Variants in ROBO2 observed in about 807,000 individuals in gnomAD.
ROBO2 encodes roundabout guidance receptor 2.
ROBO2 carries 53 observed loss-of-function variants against 160.8 expected under a neutral mutation model. The observed-to-expected ratio is 0.33, with a 90% CI of 0.26 to 0.41. The LOEUF (loss-of-function observed/expected upper bound fraction) is 0.41. ROBO2 is among the 10% of genes least tolerant of loss of function. ROBO2 has a pLI of 1.00. For synonymous variants in ROBO2, 664 were observed against 611.7 expected (o/e 1.09, Z -1.26); for missense variants, 1,577 against 1,722.4 (o/e 0.92, Z 1.49).
intron 2 of ROBO2, among the ~76,000 whole-genome samples, chr3:76,356,584 A>G (rs2108338916): frequency 6.6e-6 from 1 of 151,812 alleles, no homozygotes; most frequent in East Asian, 1.9e-4. Flanking sequence ...CAGGTTACCA[A>G]AAAAATATAA....
intron 2 of ROBO2, among the ~76,000 whole-genome samples, chr3:76,171,641 A>G (rs1489782851): frequency 6.6e-6 from 1 of 152,022 alleles, no homozygotes; most frequent in Admixed American, 6.6e-5. Flanking sequence ...ATGTAGCTAC[A>G]TTATCCCAGT....
chr3:77,549,915 T>C (rs1559593144), intron 7 of ROBO2, among the ~76,000 whole-genome samples: 1 of 151,966 alleles, frequency 6.6e-6, no homozygotes, highest in Non-Finnish European at 1.5e-5. Context: ...TTTTTGTAAG[T>C]AAATACAACA....
chr3:76,982,561 T>C (rs1427941622), intron 2 of ROBO2, among the ~76,000 whole-genome samples: 2 of 152,218 alleles, frequency 1.3e-5, no homozygotes, highest in Non-Finnish European at 2.9e-5. Context: ...TCTGGATCTC[T>C]TGAATTTTCA....
At chr3:76,716,341 A>G (rs1243104016) in intron 2 of ROBO2, among the ~76,000 whole-genome samples, 1 of 152,104 alleles carries the variant, frequency 6.6e-6, no homozygotes, top group Non-Finnish European at 1.5e-5. Context: ...TTAACCCCCC[A>G]AAAGAAGAAA....
rs934543122 is a variant in ROBO2, at chr3:76,276,348, T to G, written c.109+338746T>G. On this transcript the variant is annotated intron_variant, in intron 2 of 26. Coordinates refer to the ROBO2 transcript ENST00000487694. ...ATATGGCTATTTAAATTTAAACTAA[T>G]GAAAATTGAGAATTCATTGTATCAA... 2.0e-5 allele frequency among the ~76,000 whole-genome samples: 3 copies of G among 152,048 alleles called. No individual in the cohort carries two copies. The East Asian group carries it at 5.8e-4, about 29-fold the overall frequency.
chr3:77,483,485 AT>A (rs1313549363), intron 4 of ROBO2, among the ~76,000 whole-genome samples: 1 of 151,828 alleles, frequency 6.6e-6, no homozygotes, highest in Non-Finnish European at 1.5e-5. Context: ...ACATATTATC[AT>A]TTTTGACCAA....
At chr3:76,400,280 T>C (rs536332121) in intron 2 of ROBO2, among the ~76,000 whole-genome samples, 1 of 151,776 alleles carries the variant, frequency 6.6e-6, no homozygotes, top group East Asian at 1.9e-4. Context: ...TTTTCATTTC[T>C]GCCAGTGAGA....
At chr3:77,634,873 A>T (rs769735699) in exon 24 of ROBO2, 6 of 1,613,870 alleles carry the variant, frequency 3.7e-6, no homozygotes, top group Non-Finnish European at 4.2e-6. Flanking sequence ...ATTTTAGGAA[A>T]AGCCTTTACC....
At position 76,952,695 on chromosome 3, in the gene ROBO2, A is replaced by G. The variant is rs554000944; in HGVS notation, c.110-145319A>G. Among the ~76,000 whole-genome samples the G allele has an allele frequency of 2.0e-5, 3 of 152,068 alleles. No individual in the cohort carries two copies. In the East Asian group the frequency reaches 5.8e-4, roughly 29 times the overall value. ...TTAGTATATCTGTGTGTGTATATAT[A>G]TATATATTTATGTATAAAATATTCA... On this transcript the variant is annotated intron_variant, in intron 2 of 26. Transcript: ENST00000487694.
At chr3:76,521,854 T>G (rs939698829) in intron 2 of ROBO2, among the ~76,000 whole-genome samples, 2 of 152,186 alleles carry the variant, frequency 1.3e-5, no homozygotes, top group African/African-American at 4.8e-5. Context: ...ATAACTCAAT[T>G]TCAAGTTTTT....
chr3:76,660,531 A>G (rs963066327), intron 2 of ROBO2, among the ~76,000 whole-genome samples: 6 of 152,140 alleles, frequency 3.9e-5, no homozygotes, highest in African/African-American at 1.4e-4. Context: ...GTGGTTTTCA[A>G]GGGCATGATT....
At position 76,433,878 on chromosome 3, in the gene ROBO2, C is replaced by T. The variant is rs1267562582; in HGVS notation, c.109+496276C>T. The T allele has an allele frequency of 6.9e-6, 4 of 576,674 alleles. No homozygotes were observed. In the Admixed American group the frequency reaches 1.2e-4, roughly 18 times the overall value. The allele number at this position is 576,674 out of a possible 1,614,324, so 35.7% of individuals were successfully genotyped here. ...TAGAATTCACATCTCTATCTATTTT[C>T]TTTGAAGTTTGCAAGCTGTTTTTCT... On this transcript the variant is annotated intron_variant, in intron 2 of 26. Coordinates refer to the ROBO2 transcript ENST00000487694.
chr3:77,636,236 T>TG (rs2153717849), intron 24 of ROBO2, among the ~76,000 whole-genome samples: 1 of 152,264 alleles, frequency 6.6e-6, no homozygotes, highest in Non-Finnish European at 1.5e-5. Context: ...CTTTGGCTTT[T>TG]GGGACATAGG....
chr3:76,836,746 A>C (rs1275460456), intron 2 of ROBO2, among the ~76,000 whole-genome samples: 1 of 151,738 alleles, frequency 6.6e-6, no homozygotes, highest in Non-Finnish European at 1.5e-5. Flanking sequence ...TAGTCAGAAA[A>C]AATATTTTGT....
intron 2 of ROBO2, among the ~76,000 whole-genome samples, chr3:76,130,648 AG>A (rs1432747627): frequency 6.6e-6 from 1 of 152,132 alleles, no homozygotes; most frequent in East Asian, 1.9e-4. Flanking sequence ...ATTAACCATA[AG>A]CAGGCCACAT....
chr3:76,398,061 A>T (rs1435148917), intron 2 of ROBO2, among the ~76,000 whole-genome samples: 1 of 152,246 alleles, frequency 6.6e-6, no homozygotes. Flanking sequence ...AATAGCAAAG[A>T]CTTGGAACCA....
intron 2 of ROBO2, among the ~76,000 whole-genome samples, chr3:77,434,737 C>T (rs779541734): frequency 6.6e-6 from 1 of 152,026 alleles, no homozygotes; most frequent in Non-Finnish European, 1.5e-5. Flanking sequence ...TAAGGAAGAG[C>T]AAATCAATAT....
intron 2 of ROBO2, among the ~76,000 whole-genome samples, chr3:77,279,330 A>C (rs2060096369): frequency 6.6e-6 from 1 of 152,108 alleles, no homozygotes. Context: ...TAATGACGGC[A>C]TTGCTTATAC....
At chr3:77,642,556 A>T (rs2095363731) in intron 24 of ROBO2, 115 bp from the exon 26 acceptor site, 2 of 359,044 alleles carry the variant, frequency 5.6e-6, no homozygotes, top group Admixed American at 3.8e-5. Flanking sequence ...TTTTCCCCAA[A>T]TTTTTTTTGT....
Sources: gnomAD v4.1 joint callset for allele counts (sites outside exome capture counted in the v4.1 genomes callset) on GRCh38, gnomAD v4.1.1 for gene constraint, MANE v1.5 for transcripts, NCBI Gene and HGNC (gene_info 2026-07-23, HGNC 2026-07-21) for gene names.